The following ZNF525 variants were observed in gnomAD, a reference collection of about 807,000 sequenced individuals.
ZNF525 encodes zinc finger protein 525.
A neutral mutation model predicts 37.6 loss-of-function variants in ZNF525; 33 were observed. The ratio of observed to expected loss-of-function variants is 0.88; its 90% confidence interval spans 0.67 to 1.17. The LOEUF (loss-of-function observed/expected upper bound fraction) is 1.17, where lower values mean the gene tolerates loss of function less well. Ranked by LOEUF, ZNF525 falls within the 50% of genes most tolerant of loss-of-function variation. The probability of loss-of-function intolerance (pLI) is 0.00; values close to 1 mark genes in which losing one functional copy is unlikely to be tolerated. For missense variants in ZNF525, 449 were observed against 543.1 expected (o/e 0.83, Z 1.72); for synonymous variants, 170 against 182.3 (o/e 0.93, Z 0.54).
At chr19:53,366,634 T>C (rs548300218) in intron 1 of ZNF525, among the ~76,000 whole-genome samples, 2 of 143,222 alleles carry the variant, frequency 1.4e-5, no homozygotes, top group East Asian at 4.0e-4. Context: ...GACAGCAAGG[T>C]AGGGAGAGGG....
At position 53,386,100 on chromosome 19, in the gene ZNF525, G is replaced by A. The variant is rs1278846725; in HGVS notation, c.*4081G>A. ...GAACCCAGGAGGTGGAGGATGCAGT[G>A]AACTGAGATGGCAACATTACACTCT... On this transcript the variant is annotated 3_prime_UTR_variant, in exon 4 of 4. Transcript: ENST00000474037. 2.2e-5 allele frequency: 8 copies of A among 366,452 alleles called. No homozygotes were observed. The highest frequency in any genetic ancestry group is 4.2e-5 in the Non-Finnish European group (8 of 190,692). The allele number at this position is 366,452 out of a possible 1,614,324, so 22.7% of individuals were successfully genotyped here.
Position 53,383,661 on chromosome 19 carries a change from A to G in ZNF525, c.*1642A>G, listed in dbSNP as rs2085584488. The G allele has an allele frequency of 4.7e-6, 4 of 858,296 alleles. No homozygotes were observed. The highest frequency in any genetic ancestry group is 2.3e-5 in the Admixed American group (1 of 43,708). The allele number at this position is 858,296 out of a possible 1,614,324, so 53.2% of individuals were successfully genotyped here. ...GTAGGGAAACTTGACTAACGTAATG[A>G]TTCTCACAACGTCTTCAGTAATGCT... is the stretch of plus-strand genomic sequence containing the variant. On this transcript the variant is annotated 3_prime_UTR_variant, in exon 4 of 4. Coordinates refer to ENST00000474037, the MANE Select transcript of ZNF525 (RefSeq NM_001348156.2).
chr19:53,370,804 C>T (rs373491186), intron 1 of ZNF525, among the ~76,000 whole-genome samples: 24 of 151,626 alleles, frequency 1.6e-4, no homozygotes, highest in Admixed American at 3.3e-4. Flanking sequence ...AAGCAGGTCA[C>T]GTCAGTCCCT....
chr19:53,376,278 T>C (rs2085521740), intron 3 of ZNF525: 1 of 699,254 alleles, frequency 1.4e-6, no homozygotes, highest in Non-Finnish European at 2.6e-6. Flanking sequence ...TGCATATGTG[T>C]GTCCTTAGGG....
intron 2 of ZNF525, among the ~76,000 whole-genome samples, chr19:53,373,631 A>G (rs1568757018): frequency 6.6e-6 from 1 of 151,562 alleles, no homozygotes; most frequent in Non-Finnish European, 1.5e-5. Flanking sequence ...GAGACTCCGG[A>G]AAAATTCTGC....
intron 1 of ZNF525, among the ~76,000 whole-genome samples, chr19:53,371,929 G>A (rs1460536877): frequency 6.6e-6 from 1 of 152,198 alleles, no homozygotes; most frequent in Non-Finnish European, 1.5e-5. Flanking sequence ...GATGACAGCT[G>A]TGAGCCACTG....
In ZNF525 at chr19:53,383,924, T is replaced by G. The variant is rs2085586785; in HGVS notation, c.*1905T>G. Reference sequence around the variant, plus strand: ...CAAGTGTGATGATCGTGGCAAAGCCTTTACTTCACATTCTCACCTCATTAG... The same window carrying G: ...CAAGTGTGATGATCGTGGCAAAGCCGTTACTTCACATTCTCACCTCATTAG... On this transcript the variant is annotated 3_prime_UTR_variant, in exon 4 of 4. Transcript: ENST00000474037. 1 of 683,140 alleles carries G rather than the reference T, an allele frequency of 1.5e-6. No homozygotes were observed. The highest frequency in any genetic ancestry group is 1.4e-5 in the South Asian group (1 of 71,062). The allele number at this position is 683,140 out of a possible 1,614,324, so 42.3% of individuals were successfully genotyped here. A position where few individuals can be genotyped will look rare whatever the true frequency, so the allele number is the denominator to read the frequency against.
At chr19:53,368,007 C>A (rs1968832060) in intron 1 of ZNF525, among the ~76,000 whole-genome samples, 1 of 152,056 alleles carries the variant, frequency 6.6e-6, no homozygotes, top group African/African-American at 2.4e-5. Context: ...TCTTTCTAAT[C>A]TTCTATTTTT....
At chr19:53,369,873 CG>C (rs1349736444) in intron 1 of ZNF525, among the ~76,000 whole-genome samples, 1 of 141,102 alleles carries the variant, frequency 7.1e-6, no homozygotes, top group African/African-American at 2.7e-5. Flanking sequence ...TACAGGCGCC[CG>C]CCACCACGCC....
At position 53,385,122 on chromosome 19, in the gene ZNF525, G is replaced by A. The variant is rs757554854; in HGVS notation, c.*3103G>A. On this transcript the variant is annotated 3_prime_UTR_variant, in exon 4 of 4. Transcript: ENST00000474037. ...CATCCTTGCATCCCAGAAATAACTGGCACTTGAATATCTACATTTTTTTAA... is the reference window on the plus strand; with the variant it reads ...CATCCTTGCATCCCAGAAATAACTGACACTTGAATATCTACATTTTTTTAA... 2.6e-5 allele frequency: 13 copies of A among 494,014 alleles called. No individual in the cohort carries two copies. The highest frequency in any genetic ancestry group is 3.9e-5 in the Non-Finnish European group (11 of 278,674). The allele number at this position is 494,014 out of a possible 1,614,324, so 30.6% of individuals were successfully genotyped here. A position where few individuals can be genotyped will look rare whatever the true frequency, so the allele number is the denominator to read the frequency against.
chr19:53,380,505 A>C (rs369094020), intron 3 of ZNF525, among the ~76,000 whole-genome samples: 9 of 152,182 alleles, frequency 5.9e-5, no homozygotes, highest in South Asian at 4.1e-4. Context: ...CAGTGGAAAA[A>C]TACTCCTTAT....
Position 53,384,170 on chromosome 19 carries a change from T to C in ZNF525, c.*2151T>C. ...ACTTAACATTGAGTTCAAGCCTTAA[T>C]TGACATTAAAGTGTTTATGTTAAGA... On this transcript the variant is annotated 3_prime_UTR_variant, in exon 4 of 4. Coordinates refer to ENST00000474037, the MANE Select transcript of ZNF525 (RefSeq NM_001348156.2). 7.7e-5 allele frequency: 30 copies of C among 391,698 alleles called. No individual in the cohort carries two copies. In the Admixed American group the frequency reaches 8.7e-4, roughly 11 times the overall value. 24.3% of individuals were successfully genotyped at this position (391,698 alleles called of 1,614,324 possible). A position where few individuals can be genotyped will look rare whatever the true frequency, so the allele number is the denominator to read the frequency against.
Position 53,380,817 on chromosome 19 carries a change from C to T in ZNF525, c.238C>T (p.His80Tyr). The change falls in exon 4 of 4, where the codon CAT becomes TAT. Residue 80 changes from histidine to tyrosine, a missense_variant. Around this residue, in one of 2 missense-constraint regions of ZNF525, gnomAD observed 271 missense variants for 381.6 expected, o/e 0.71. Coordinates refer to ENST00000474037, the MANE Select transcript of ZNF525 (RefSeq NM_001348156.2). ...AGGGACATTGCAAAGACATGAACGT[C>T]ATCACATTGGAGATTTTTCCTTCCA... ...HTGTLQRHER[H>Y]HIGDFSFQEI... The T allele has an allele frequency of 7.0e-7, 1 of 1,430,062 alleles. No individual in the cohort carries two copies. The highest frequency in any genetic ancestry group is 1.7e-5 in the Admixed American group (1 of 59,802). The allele number at this position is 1,430,062 out of a possible 1,614,324, so 88.6% of individuals were successfully genotyped here. A position where few individuals can be genotyped will look rare whatever the true frequency, so the allele number is the denominator to read the frequency against.
intron 3 of ZNF525, among the ~76,000 whole-genome samples, chr19:53,380,107 T>C (rs1278585420): frequency 6.6e-6 from 1 of 152,120 alleles, no homozygotes; most frequent in Non-Finnish European, 1.5e-5. Flanking sequence ...TTTTTTTTTT[T>C]TGAGATGGAG....
In ZNF525 at chr19:53,366,806, T is replaced by C. The variant is rs566426526; in HGVS notation, c.-68+1047T>C. On this transcript the variant is annotated intron_variant, in intron 1 of 3. Transcript: ENST00000474037. ...TGCCAGAGAGTGGGGACAGGGGGTA[T>C]AACAGAGAAGAGAGAATTTAACGGG... 1.4e-3 allele frequency among the ~76,000 whole-genome samples: 203 copies of C among 146,538 alleles called. 1 individual carries two copies. Among genetic ancestry groups the C allele is most frequent in the African/African-American group, 5.1e-3 (191 of 37,660 alleles).
At chr19:53,369,450 C>T (rs2085469960) in intron 1 of ZNF525, among the ~76,000 whole-genome samples, 1 of 140,602 alleles carries the variant, frequency 7.1e-6, no homozygotes, top group Non-Finnish European at 1.6e-5. Context: ...TGGTCTCAAA[C>T]TCCTGAACTC....
At chr19:53,377,393 C>G (rs1427183136) in intron 3 of ZNF525, among the ~76,000 whole-genome samples, 1 of 151,974 alleles carries the variant, frequency 6.6e-6, no homozygotes, top group African/African-American at 2.4e-5. Flanking sequence ...TCAGGCTTTT[C>G]TTGAACTCCC....
Position 53,382,555 on chromosome 19 carries a change from G to A in ZNF525, c.*536G>A, listed in dbSNP as rs377331227. 4 of 667,540 alleles carry A rather than the reference G, an allele frequency of 6.0e-6. No homozygotes were observed. The highest frequency in any genetic ancestry group is 6.2e-5 in the East Asian group (2 of 32,210). The allele number at this position is 667,540 out of a possible 1,614,324, so 41.4% of individuals were successfully genotyped here. On this transcript the variant is annotated 3_prime_UTR_variant, in exon 4 of 4. Coordinates refer to ENST00000474037, the MANE Select transcript of ZNF525 (RefSeq NM_001348156.2). ...GCCATCATAGACGTCATACTGGAGA[G>A]AAACCTTAGAAGTGCAATGAGTGTG...
At chr19:53,380,017 A>T (rs1040260635) in intron 3 of ZNF525, among the ~76,000 whole-genome samples, 1 of 151,256 alleles carries the variant, frequency 6.6e-6, no homozygotes, top group Non-Finnish European at 1.5e-5. Context: ...ATACAAAAAT[A>T]AAAAAAAAAT....
Sources: allele counts gnomAD v4.1 joint callset (sites outside exome capture counted in the v4.1 genomes callset), GRCh38; gene constraint gnomAD v4.1.1; regional missense constraint gnomAD v4.1.1; transcripts MANE v1.5; gene names NCBI Gene and HGNC (gene_info 2026-07-23, HGNC 2026-07-21).